Variants in DTNA observed in about 807,000 individuals in gnomAD.
The protein encoded by DTNA is dystrobrevin alpha.
A neutral mutation model predicts 100.7 loss-of-function variants in DTNA; 43 were observed. The ratio of observed to expected loss-of-function variants is 0.43; its 90% CI spans 0.33 to 0.55. The LOEUF is 0.55. DTNA is among the 20% of genes least tolerant of loss of function. The probability of loss-of-function intolerance (pLI) is 0.04; values close to 1 mark genes in which losing one functional copy is unlikely to be tolerated. For synonymous variants in DTNA, 349 were observed against 347.9 expected (o/e 1.00, Z -0.04); for missense variants, 798 against 953.9 (o/e 0.84, Z 2.15).
At chr18:34,516,089 C>T (rs929360691) in intron 1 of DTNA, among the ~76,000 whole-genome samples, 1 of 152,024 alleles carries the variant, frequency 6.6e-6, no homozygotes, top group Non-Finnish European at 1.5e-5. Context: ...CCCAATAATT[C>T]AACGTAGGTT....
At position 34,692,817 on chromosome 18, in the gene DTNA, T is replaced by C. The variant is rs1238196882; in HGVS notation, c.-1-63159T>C. On this transcript the variant is annotated intron_variant, in intron 1 of 19. Transcript: ENST00000283365. ...TTTTAGTGCTAAATGTTATCTGGGA[T>C]TACCACTGGAGGTGGAGTCTCTTTA... Among the ~76,000 whole-genome samples, 3 of 152,308 alleles carry C rather than the reference T, an allele frequency of 2.0e-5. No homozygotes were observed. In the East Asian group the frequency reaches 5.8e-4, roughly 29 times the overall value.
intron 1 of DTNA, among the ~76,000 whole-genome samples, chr18:34,530,888 G>A (rs1397753768): frequency 6.6e-6 from 1 of 152,108 alleles, no homozygotes; most frequent in East Asian, 1.9e-4. Context: ...GAAAATATCA[G>A]GGAATGCTTT....
intron 1 of DTNA, among the ~76,000 whole-genome samples, chr18:34,520,013 A>C (rs2042012973): frequency 6.6e-6 from 1 of 152,174 alleles, no homozygotes. Context: ...GTTCTAGAAG[A>C]AGCTGATGTC....
chr18:34,753,410 T>G lies in DTNA; in HGVS notation c.-1-2566T>G, dbSNP rs1239438330. Among the ~76,000 whole-genome samples, 36 of 126,816 alleles carry G rather than the reference T, an allele frequency of 2.8e-4. 1 individual carries two copies. The highest frequency in any genetic ancestry group is 2.8e-3 in the Admixed American group (35 of 12,630). The allele number at this position is 126,816 out of a possible 152,430, so 83.2% of individuals were successfully genotyped here. A position where few individuals can be genotyped will look rare whatever the true frequency, so the allele number is the denominator to read the frequency against. ...TTTTTATTTTTTTTTTGAGACGGAGTCTCGCTCTGTCGCCCAGGCTGGAGT... is the reference window on the plus strand; with the variant it reads ...TTTTTATTTTTTTTTTGAGACGGAGGCTCGCTCTGTCGCCCAGGCTGGAGT... On this transcript the variant is annotated intron_variant, in intron 1 of 22. Coordinates refer to ENST00000444659, the MANE Select transcript of DTNA (RefSeq NM_001386795.1).
chr18:34,598,464 GA>G (rs1273168201), intron 1 of DTNA, among the ~76,000 whole-genome samples: 1 of 152,162 alleles, frequency 6.6e-6, no homozygotes, highest in Non-Finnish European at 1.5e-5. Context: ...TCAACCATTA[GA>G]AAACACTGGG....
chr18:34,611,785 A>G (rs1046208911), intron 1 of DTNA, among the ~76,000 whole-genome samples: 6 of 152,136 alleles, frequency 3.9e-5, no homozygotes, highest in African/African-American at 1.2e-4. Context: ...AATAAGTGAG[A>G]TGGCAGATAT....
intron 3 of DTNA, among the ~76,000 whole-genome samples, chr18:34,778,478 C>T (rs2094164510): frequency 6.6e-6 from 1 of 152,102 alleles, no homozygotes; most frequent in Non-Finnish European, 1.5e-5. Flanking sequence ...AACCATTTAA[C>T]TGTATGGTTC....
At chr18:34,637,084 C>A (rs1331856655) in intron 1 of DTNA, among the ~76,000 whole-genome samples, 1 of 152,152 alleles carries the variant, frequency 6.6e-6, no homozygotes, top group Non-Finnish European at 1.5e-5. Context: ...TAAATAAATG[C>A]TGTACTTATA....
chr18:34,744,795 G>T (rs766078653), intron 1 of DTNA, among the ~76,000 whole-genome samples: 86 of 152,234 alleles, frequency 5.6e-4, no homozygotes, highest in Non-Finnish European at 9.1e-4. Context: ...GCCTATGTCC[G>T]TGTGTGTCTG....
chr18:34,887,269 T>C (rs1249923473), intron 22 of DTNA, among the ~76,000 whole-genome samples: 1 of 152,242 alleles, frequency 6.6e-6, no homozygotes, highest in Admixed American at 6.5e-5. Context: ...GCACTCAGCT[T>C]AGGGTCCTCC....
chr18:34,500,040 T>A (rs1409266824), intron 1 of DTNA, among the ~76,000 whole-genome samples: 1 of 152,196 alleles, frequency 6.6e-6, no homozygotes, highest in Non-Finnish European at 1.5e-5. Context: ...CTATTCTAAT[T>A]CCTTTGCCTT....
intron 1 of DTNA, among the ~76,000 whole-genome samples, chr18:34,569,635 A>G (rs1384067973): frequency 6.6e-6 from 1 of 152,198 alleles, no homozygotes; most frequent in African/African-American, 2.4e-5. Flanking sequence ...GAATTGGCTC[A>G]TGTGACTATG....
At chr18:34,617,168 G>C (rs2055468506) in intron 1 of DTNA, among the ~76,000 whole-genome samples, 1 of 152,078 alleles carries the variant, frequency 6.6e-6, no homozygotes, top group Non-Finnish European at 1.5e-5. Flanking sequence ...CTGAATATGT[G>C]TGGTAAGAGT....
At chr18:34,697,377 T>G (rs1230866580) in intron 1 of DTNA, among the ~76,000 whole-genome samples, 2 of 152,202 alleles carry the variant, frequency 1.3e-5, no homozygotes, top group Non-Finnish European at 1.5e-5. Flanking sequence ...CCTACATAAC[T>G]GCCTTCTGTG....
intron 4 of DTNA, among the ~76,000 whole-genome samples, chr18:34,794,572 C>T (rs1341240519): frequency 2.0e-5 from 3 of 152,050 alleles, no homozygotes; most frequent in Non-Finnish European, 2.9e-5. Context: ...TTTAATGAAG[C>T]GTGAAGTGGG....
chr18:34,858,485 C>A, intron 16 of DTNA, 87 bp downstream of exon 16: 1 of 1,305,896 alleles, frequency 7.7e-7, no homozygotes, highest in Non-Finnish European at 1.1e-6. Flanking sequence ...AGAAAACAGT[C>A]CTCAGCTACC....
intron 1 of DTNA, among the ~76,000 whole-genome samples, chr18:34,520,766 TCTC>T (rs2042079517): frequency 6.6e-6 from 1 of 152,172 alleles, no homozygotes; most frequent in South Asian, 2.1e-4. Context: ...TCATTGCTGT[TCTC>T]CTGCCATTTC....
At chr18:34,854,045 C>CT (rs2149988091) in intron 15 of DTNA, among the ~76,000 whole-genome samples, 1 of 152,240 alleles carries the variant, frequency 6.6e-6, no homozygotes, top group Non-Finnish European at 1.5e-5. Context: ...ATGAGCTGAG[C>CT]TAGCAGGCAG....
chr18:34,639,772 A>G (rs548861206), intron 1 of DTNA, among the ~76,000 whole-genome samples: 2 of 152,024 alleles, frequency 1.3e-5, no homozygotes, highest in African/African-American at 2.4e-5. Flanking sequence ...TTGTTTGTTT[A>G]TTTCTTTATT....
Sources: gnomAD v4.1 joint callset for allele counts (sites outside exome capture counted in the v4.1 genomes callset) on GRCh38, gnomAD v4.1.1 for gene constraint, MANE v1.5 for transcripts, NCBI Gene and HGNC (gene_info 2026-07-23, HGNC 2026-07-21) for gene names.